The following COG5 variants were observed in gnomAD, a reference collection of about 807,000 sequenced individuals.
The protein encoded by COG5 is component of oligomeric golgi complex 5, also known as conserved oligomeric Golgi complex subunit 5.
A neutral mutation model predicts 110.4 loss-of-function variants in COG5; 86 were observed. The observed-to-expected ratio is 0.78, with a 90% CI of 0.65 to 0.93. The LOEUF is 0.93. Among genes scored for constraint, COG5 ranks in the 40% least tolerant of loss-of-function variants. The pLI is 0.00. For synonymous variants in COG5, 360 were observed against 334.6 expected, an observed-to-expected ratio of 1.08 and a Z score of -0.83; for missense variants, 1,077 against 987.0, an observed-to-expected ratio of 1.09 and a Z score of -1.22.
chr7:107,291,585 C>T (rs942636242), intron 12 of COG5, among the ~76,000 whole-genome samples: 2 of 152,220 alleles, frequency 1.3e-5, no homozygotes, highest in African/African-American at 4.8e-5. Flanking sequence ...GATGGCAGTG[C>T]TAATGGCAGG....
chr7:107,313,257 C>T (rs2117006660), intron 11 of COG5, among the ~76,000 whole-genome samples: 1 of 152,258 alleles, frequency 6.6e-6, no homozygotes, highest in East Asian at 1.9e-4. Flanking sequence ...GAATGAAAGG[C>T]AAACTGAGTG....
chr7:107,515,463 C>T lies in COG5; in HGVS notation c.538+11774G>A, dbSNP rs1052704973. Among the ~76,000 whole-genome samples the T allele has an allele frequency of 1.1e-4, 17 of 152,182 alleles. No homozygotes were observed. The South Asian group carries it at 1.7e-3, about 15-fold the overall frequency. On this transcript the variant is annotated intron_variant, in intron 6 of 21. Coordinates refer to ENST00000297135, the MANE Select transcript of COG5 (RefSeq NM_006348.5). The stretch of plus-strand genomic sequence containing the variant: ...TTCACAAGTGGGATTAGTAGAGAAT[C>T]GTTCTAACATTCGAGAGACTAAATG...
intron 6 of COG5, among the ~76,000 whole-genome samples, chr7:107,450,549 C>G (rs566480392): frequency 1.3e-5 from 2 of 152,186 alleles, no homozygotes; most frequent in East Asian, 3.9e-4. Context: ...TTAATGTGGA[C>G]AAAAGTACCC....
intron 6 of COG5, among the ~76,000 whole-genome samples, chr7:107,490,408 G>A (rs762022490): frequency 2.0e-5 from 3 of 152,188 alleles, no homozygotes; most frequent in Admixed American, 6.5e-5. Flanking sequence ...TGAGAAATGT[G>A]TGTACAAAAA....
intron 7 of COG5, among the ~76,000 whole-genome samples, chr7:107,375,029 C>T (rs1048657617): frequency 6.6e-6 from 1 of 152,018 alleles, no homozygotes; most frequent in African/African-American, 2.4e-5. Flanking sequence ...TGTAGCTCCC[C>T]AAACTGCACC....
chr7:107,369,281 G>C (rs1374381892), intron 8 of COG5, among the ~76,000 whole-genome samples: 1 of 151,916 alleles, frequency 6.6e-6, no homozygotes, highest in Non-Finnish European at 1.5e-5. Context: ...TCTATACTGG[G>C]AAATTTGTTA....
chr7:107,231,759 G>A (rs970255606), intron 18 of COG5, among the ~76,000 whole-genome samples: 3 of 152,138 alleles, frequency 2.0e-5, no homozygotes, highest in Non-Finnish European at 2.9e-5. Context: ...CTGCCTTAGT[G>A]CTAGGTACCA....
At chr7:107,382,252 A>T (rs1815190211) in intron 7 of COG5, among the ~76,000 whole-genome samples, 1 of 152,194 alleles carries the variant, frequency 6.6e-6, no homozygotes, top group Non-Finnish European at 1.5e-5. Flanking sequence ...AGGCTCACCC[A>T]AATCACAGGT....
intron 7 of COG5, among the ~76,000 whole-genome samples, chr7:107,407,787 A>C (rs926228184): frequency 3.9e-5 from 6 of 152,164 alleles, no homozygotes; most frequent in Non-Finnish European, 7.3e-5. Context: ...TGTTCAAAGA[A>C]TATTTAACAT....
chr7:107,486,368 A>G (rs574741401), intron 6 of COG5, among the ~76,000 whole-genome samples: 1 of 152,208 alleles, frequency 6.6e-6, no homozygotes, highest in East Asian at 1.9e-4. Context: ...CCCTGATCAC[A>G]AATCTTCAAC....
intron 14 of COG5, among the ~76,000 whole-genome samples, chr7:107,277,711 A>T (rs1336053822): frequency 6.6e-6 from 1 of 152,200 alleles, no homozygotes; most frequent in Non-Finnish European, 1.5e-5. Flanking sequence ...TATAAAGGTT[A>T]ATGATGGTAG....
At chr7:107,488,237 C>T (rs1797768364) in intron 6 of COG5, among the ~76,000 whole-genome samples, 1 of 151,506 alleles carries the variant, frequency 6.6e-6, no homozygotes, top group South Asian at 2.1e-4. Context: ...TGGGTCCATA[C>T]TGATAATAAC....
rs552936613 is a variant in COG5 at position 107,411,825 on chromosome 7, A to C, written c.669+677T>G. 2.0e-5 allele frequency among the ~76,000 whole-genome samples: 3 copies of C among 152,264 alleles called. No individual in the cohort carries two copies. The East Asian group carries it at 5.8e-4, about 29-fold the overall frequency. Reference sequence around the variant, plus strand: ...GATTTAGAGGATATGAAAAAACTCTATTAATAATTATATTGGAGCCCAATA... The same window carrying C: ...GATTTAGAGGATATGAAAAAACTCTCTTAATAATTATATTGGAGCCCAATA... On this transcript the variant is annotated intron_variant, in intron 7 of 21. Transcript: ENST00000297135.
intron 12 of COG5, among the ~76,000 whole-genome samples, chr7:107,296,042 G>A (rs776996942): frequency 2.6e-5 from 4 of 151,776 alleles, no homozygotes; most frequent in Admixed American, 6.6e-5. Context: ...ATCTGCCCAC[G>A]TTGGCCTTCC....
intron 7 of COG5, among the ~76,000 whole-genome samples, chr7:107,410,215 T>C (rs80017637): frequency 0.15 from 23,207 of 152,146 alleles, 2,242 homozygotes; most frequent in Non-Finnish European, 0.21. Flanking sequence ...ATTCTGGGTG[T>C]TGGGCTCAGC....
At chr7:107,460,793 C>A (rs1173985663) in intron 6 of COG5, among the ~76,000 whole-genome samples, 1 of 151,800 alleles carries the variant, frequency 6.6e-6, no homozygotes, top group East Asian at 1.9e-4. Context: ...ACAGATCCTA[C>A]AGATAATTAA....
At chr7:107,458,167 A>G (rs10254184) in intron 6 of COG5, among the ~76,000 whole-genome samples, 9,314 of 152,252 alleles carry the variant, frequency 0.061, 727 homozygotes, top group African/African-American at 0.18. Flanking sequence ...ATGAAGACAA[A>G]AAGAACATAT....
At chr7:107,219,716 A>G (rs890180202) in intron 19 of COG5, among the ~76,000 whole-genome samples, 1 of 152,202 alleles carries the variant, frequency 6.6e-6, no homozygotes, top group African/African-American at 2.4e-5. Context: ...TAAAGGGTAC[A>G]AAGTTACAGT....
intron 11 of COG5, among the ~76,000 whole-genome samples, chr7:107,314,582 C>CAA (rs764317288): frequency 0.18 from 10,074 of 54,850 alleles, 1,076 homozygotes; most frequent in African/African-American, 0.32. Context: ...ATCTCTACTA[C>CAA]AAAAAAAAAA....
Sources: gnomAD v4.1 joint callset for allele counts (sites outside exome capture counted in the v4.1 genomes callset) on GRCh38, gnomAD v4.1.1 for gene constraint, MANE v1.5 for transcripts, NCBI Gene and HGNC (gene_info 2026-07-23, HGNC 2026-07-21) for gene names.